The following MRPL34 variants were observed in gnomAD, a reference collection of about 807,000 sequenced individuals.
MRPL34 encodes mitochondrial ribosomal protein L34.
MRPL34 carries 8 observed loss-of-function variants against 6.7 expected under a neutral mutation model. The observed-to-expected ratio is 1.20, with a 90% CI of 0.70 to 2.16. MRPL34 has a LOEUF of 2.16. Ranked by LOEUF, MRPL34 falls within the 30% of genes most tolerant of loss-of-function variation. The pLI is 0.00. For synonymous variants in MRPL34, 59 were observed against 55.1 expected, an observed-to-expected ratio of 1.07 and a Z score of -0.31; for missense variants, 146 against 125.5, an observed-to-expected ratio of 1.16 and a Z score of -0.78.
At chr19:17,301,117 G>A, upstream of MRPL34, 2 of 1,613,150 alleles carry the variant, frequency 1.2e-6, no homozygotes, top group Non-Finnish European at 1.7e-6. Flanking sequence ...TTTGCAGCTA[G>A]TGATGCGCTT....
At chr19:17,295,364 C>G (rs948049256) in intron 1 of MRPL34, among the ~76,000 whole-genome samples, 1 of 152,088 alleles carries the variant, frequency 6.6e-6, no homozygotes, top group African/African-American at 2.4e-5. Context: ...GCCTCGGCCT[C>G]CCAAAGTGCT....
At chr19:17,304,618 G>T (rs62126258), upstream of MRPL34, among the ~76,000 whole-genome samples, 1 of 152,036 alleles carries the variant, frequency 6.6e-6, no homozygotes, top group Non-Finnish European at 1.5e-5. Context: ...ACTTCTGGGA[G>T]ACTATACAGT....
chr19:17,304,752 G>T (rs914323061), upstream of MRPL34, among the ~76,000 whole-genome samples: 1 of 152,104 alleles, frequency 6.6e-6, no homozygotes, highest in Admixed American at 6.6e-5. Flanking sequence ...AAGCAGTCGG[G>T]CCAGAAGAAT....
At chr19:17,305,829 AGGGCTGGAGCGGCTCTG>A, upstream of MRPL34, 2 of 1,498,516 alleles carry the variant, frequency 1.3e-6, no homozygotes, top group Non-Finnish European at 1.9e-6. Flanking sequence ...CCTTTGTTCC[AGGGCTGGAGCGGCTCTG>A]GGCTCCGGAA....
At chr19:17,296,186 GATCCAGAAGTTTC>G (rs2074093246) in intron 1 of MRPL34, 1 of 151,954 alleles carries the variant, frequency 6.6e-6, no homozygotes, top group Non-Finnish European at 1.5e-5. Context: ...AGAGAATCTG[GATCCAGAAGTTTC>G]ACCAGACTTT....
chr19:17,306,204 C>T lies in MRPL34; in HGVS notation c.104C>T (p.Ala35Val), dbSNP rs895458449. Residue 35 changes from alanine (A) to valine (V), a missense_variant, in exon 2 of 2, where the codon GCC (alanine) becomes GTC (valine). Physicochemically the swap from Ala to Val is moderately conservative, Grantham distance 64 (BLOSUM62 0). Transcript: ENST00000252602. ...QPRAWLGFPD[A>V]WGLPTPQQAR... Reference sequence around the variant, plus strand: ...CGGGCCTGGCTGGGGTTCCCAGACGCCTGGGGCCTCCCCACCCCGCAGCAG... The same window carrying T: ...CGGGCCTGGCTGGGGTTCCCAGACGTCTGGGGCCTCCCCACCCCGCAGCAG... 1 of 1,554,698 alleles carries T rather than the reference C, an allele frequency of 6.4e-7. No individual in the cohort carries two copies. Among genetic ancestry groups the T allele is most frequent in the Non-Finnish European group, 8.7e-7 (1 of 1,149,942 alleles).
At chr19:17,305,307 C>T (rs1599528460), upstream of MRPL34, among the ~76,000 whole-genome samples, 1 of 143,712 alleles carries the variant, frequency 7.0e-6, no homozygotes, top group Non-Finnish European at 1.5e-5. Flanking sequence ...AAAATGGGGG[C>T]AAGATTGCCA....
At chr19:17,301,738 GC>G, upstream of MRPL34, 1 of 1,260,640 alleles carries the variant, frequency 7.9e-7, no homozygotes, top group Non-Finnish European at 1.0e-6. Context: ...TTTGGGGAGC[GC>G]CAGATCAAGT....
chr19:17,300,004 A>G (rs1039024863), upstream of MRPL34, among the ~76,000 whole-genome samples: 1 of 150,904 alleles, frequency 6.6e-6, no homozygotes, highest in Non-Finnish European at 1.5e-5. Flanking sequence ...TCCCGTGCTC[A>G]TGCCATTCTC....
chr19:17,298,083 T>A (rs1033126597), upstream of MRPL34: 1 of 151,574 alleles, frequency 6.6e-6, no homozygotes, highest in Non-Finnish European at 1.5e-5. Flanking sequence ...CCTGGCTAAT[T>A]TTTTTTTGTA....
At chr19:17,293,090 TTTTC>T (rs2074078116) in intron 1 of MRPL34, among the ~76,000 whole-genome samples, 2 of 117,858 alleles carry the variant, frequency 1.7e-5, no homozygotes, top group Non-Finnish European at 1.7e-5. Flanking sequence ...TCTTTTTTTC[TTTTC>T]TTTCTTTTTT....
intron 1 of MRPL34, chr19:17,294,615 C>T (rs956370634): frequency 6.2e-7 from 1 of 1,607,068 alleles, no homozygotes; most frequent in Non-Finnish European, 8.5e-7. Context: ...CCATCCAACT[C>T]GAGCAGATGC....
upstream of MRPL34, among the ~76,000 whole-genome samples, chr19:17,299,793 C>T (rs989748456): frequency 2.0e-5 from 3 of 151,552 alleles, no homozygotes; most frequent in Non-Finnish European, 4.4e-5. Flanking sequence ...TTTTTGTTTG[C>T]TTTGTTTTGT....
chr19:17,301,025 A>G, upstream of MRPL34: 1 of 1,613,504 alleles, frequency 6.2e-7, no homozygotes, highest in South Asian at 1.1e-5. Flanking sequence ...AGGCGCACAA[A>G]GAAGTCCAGC....
chr19:17,300,258 T>G (rs894646450), upstream of MRPL34, among the ~76,000 whole-genome samples: 1 of 151,700 alleles, frequency 6.6e-6, no homozygotes, highest in Non-Finnish European at 1.5e-5. Context: ...CAGGCTGGAG[T>G]GCAGTGGTGT....
chr19:17,300,872 T>C (rs766875943), upstream of MRPL34: 1 of 1,596,042 alleles, frequency 6.3e-7, no homozygotes, highest in East Asian at 2.3e-5. Flanking sequence ...GAATGGCCAA[T>C]GAGCACATTT....
chr19:17,292,854 G>A (rs2074077190), exon 1 of MRPL34: 2 of 1,602,928 alleles, frequency 1.2e-6, no homozygotes, highest in African/African-American at 1.3e-5. Context: ...CAGGGCTCAA[G>A]GTAGGCGGGG....
intron 1 of MRPL34, among the ~76,000 whole-genome samples, chr19:17,294,023 C>A (rs8113627): frequency 0.015 from 2,344 of 152,204 alleles, 58 homozygotes; most frequent in African/African-American, 0.054. Context: ...CTTCTTACAG[C>A]GGTGGGGACA....
intron 1 of MRPL34, chr19:17,294,298 C>T (rs1410896085): frequency 1.2e-6 from 2 of 1,604,938 alleles, no homozygotes; most frequent in Non-Finnish European, 1.7e-6. Flanking sequence ...CTCGGCCATG[C>T]GCTGGTCTTC....
Sources: allele counts gnomAD v4.1 joint callset (sites outside exome capture counted in the v4.1 genomes callset), GRCh38; gene constraint gnomAD v4.1.1; transcripts MANE v1.5; gene names NCBI Gene and HGNC (gene_info 2026-07-23, HGNC 2026-07-21).